The following IQGAP2 variants were observed in gnomAD, a reference collection of about 807,000 sequenced individuals.
The protein encoded by IQGAP2 is ras GTPase-activating-like protein IQGAP2.
IQGAP2 carries 173 observed loss-of-function variants against 201.3 expected under a neutral mutation model. The ratio of observed to expected loss-of-function variants is 0.86; its 90% CI spans 0.76 to 0.98. The LOEUF (loss-of-function observed/expected upper bound fraction) is 0.98, where lower values mean the gene tolerates loss of function less well. IQGAP2 is among the 50% of genes least tolerant of loss of function. The probability of loss-of-function intolerance (pLI) is 0.00; values close to 1 mark genes in which losing one functional copy is unlikely to be tolerated. For missense variants in IQGAP2, 1,687 were observed against 1,864.8 expected, an observed-to-expected ratio of 0.90 and a Z score of 1.76; for synonymous variants, 675 against 673.9, an observed-to-expected ratio of 1.00 and a Z score of -0.03.
chr5:76,698,543 G>T (rs776337980), intron 33 of IQGAP2, among the ~76,000 whole-genome samples: 1 of 152,034 alleles, frequency 6.6e-6, no homozygotes, highest in African/African-American at 2.4e-5. Context: ...TTTGCTAATT[G>T]CACAGAGCAG....
intron 13 of IQGAP2, chr5:76,616,182 A>C (rs1748947803): frequency 6.6e-6 from 1 of 152,320 alleles, no homozygotes; most frequent in Admixed American, 6.5e-5. Flanking sequence ...AAAATATACG[A>C]AAGTGCTTTG....
At chr5:76,456,346 A>G (rs1236128943) in intron 1 of IQGAP2, among the ~76,000 whole-genome samples, 2 of 152,164 alleles carry the variant, frequency 1.3e-5, no homozygotes, top group Non-Finnish European at 2.9e-5. Flanking sequence ...CTATTTTTCA[A>G]AAGAAAATTC....
intron 7 of IQGAP2, 39 bp from the exon 8 acceptor site, chr5:76,590,369 T>G: frequency 6.6e-7 from 1 of 1,519,276 alleles, no homozygotes; most frequent in Non-Finnish European, 8.9e-7. Flanking sequence ...TGTCTTTTGC[T>G]GATAAAAACC....
chr5:76,524,789 C>T (rs1415593587), intron 2 of IQGAP2, among the ~76,000 whole-genome samples: 3 of 152,098 alleles, frequency 2.0e-5, no homozygotes, highest in African/African-American at 4.8e-5. Flanking sequence ...CATCAATAGC[C>T]TTTGAAAGAT....
chr5:76,446,908 C>T (rs1753422547), intron 1 of IQGAP2, among the ~76,000 whole-genome samples: 1 of 151,904 alleles, frequency 6.6e-6, no homozygotes, highest in African/African-American at 2.4e-5. Context: ...CTGTGTTTTC[C>T]CTCTGGCCTG....
chr5:76,651,076 C>T (rs1752482505), intron 17 of IQGAP2, among the ~76,000 whole-genome samples: 1 of 152,110 alleles, frequency 6.6e-6, no homozygotes, highest in African/African-American at 2.4e-5. Flanking sequence ...CACACTTCAC[C>T]ATCTATGCTT....
Position 76,640,949 on chromosome 5 carries a change from T to C in IQGAP2, c.1940T>C (p.Val647Ala). 1 of 1,589,978 alleles carries C rather than the reference T, an allele frequency of 6.3e-7. No individual in the cohort carries two copies. Among genetic ancestry groups the C allele is most frequent in the Non-Finnish European group, 8.6e-7 (1 of 1,161,312 alleles). ...GKEIEDIIEE[V>A]TVGYIRENIW... ...TCTTGCCAGGACATTATTGAGGAAGTCACAGTAGGTTACATTCGTGAGAAT... is the reference window on the plus strand; with the variant it reads ...TCTTGCCAGGACATTATTGAGGAAGCCACAGTAGGTTACATTCGTGAGAAT... Residue 647 changes from valine to alanine, a missense_variant, in exon 17 of 36, where the codon GTC (valine) becomes GCC (alanine). By Grantham distance (64) the Val-to-Ala change is moderately conservative (BLOSUM62 0). Coordinates refer to ENST00000274364, the MANE Select transcript of IQGAP2 (RefSeq NM_006633.5).
At chr5:76,581,895 A>T (rs1045612464) in intron 5 of IQGAP2, among the ~76,000 whole-genome samples, 12 of 152,356 alleles carry the variant, frequency 7.9e-5, no homozygotes, top group African/African-American at 2.9e-4. Context: ...CATTGGAAAA[A>T]GTAAGAAAAC....
At chr5:76,434,406 A>G (rs1469442971) in intron 1 of IQGAP2, among the ~76,000 whole-genome samples, 1 of 152,116 alleles carries the variant, frequency 6.6e-6, no homozygotes, top group Non-Finnish European at 1.5e-5. Context: ...TTGCATACCC[A>G]TAGCTTAGCT....
chr5:76,579,261 C>T (rs929220696), intron 5 of IQGAP2, among the ~76,000 whole-genome samples: 2 of 152,024 alleles, frequency 1.3e-5, no homozygotes, highest in South Asian at 4.2e-4. Context: ...GATACCTACC[C>T]AGAATTGACA....
chr5:76,566,018 A>G (rs1007413669), intron 3 of IQGAP2, among the ~76,000 whole-genome samples: 1 of 152,224 alleles, frequency 6.6e-6, no homozygotes, highest in Non-Finnish European at 1.5e-5. Context: ...AAACATTAAT[A>G]TAACAAATTG....
intron 1 of IQGAP2, among the ~76,000 whole-genome samples, chr5:76,426,447 C>A (rs1489872178): frequency 6.6e-6 from 1 of 152,292 alleles, no homozygotes; most frequent in Middle Eastern, 3.4e-3. Context: ...GAAGGGAAAC[C>A]AAACAGTTGG....
intron 2 of IQGAP2, among the ~76,000 whole-genome samples, chr5:76,499,366 G>T (rs1757153830): frequency 2.0e-5 from 3 of 152,112 alleles, no homozygotes; most frequent in Admixed American, 1.3e-4. Context: ...CCTCTTAGCA[G>T]ATTTATTCTT....
intron 28 of IQGAP2, among the ~76,000 whole-genome samples, chr5:76,680,560 G>A (rs914882251): frequency 3.9e-5 from 6 of 151,956 alleles, no homozygotes; most frequent in South Asian, 2.1e-4. Context: ...GGTGGCTGAC[G>A]CTTGTAATCC....
At chr5:76,490,107 T>C (rs1461106612) in intron 2 of IQGAP2, among the ~76,000 whole-genome samples, 1 of 152,236 alleles carries the variant, frequency 6.6e-6, no homozygotes, top group African/African-American at 2.4e-5. Context: ...TTCATTGAAA[T>C]GTAAATTGCC....
chr5:76,432,436 A>G (rs1752427131), intron 1 of IQGAP2, among the ~76,000 whole-genome samples: 3 of 152,044 alleles, frequency 2.0e-5, no homozygotes, highest in Non-Finnish European at 4.4e-5. Context: ...AGGCTGGTCT[A>G]TTTCTGAGCT....
intron 13 of IQGAP2, chr5:76,624,410 T>C (rs908490106): frequency 2.0e-5 from 3 of 152,212 alleles, no homozygotes; most frequent in African/African-American, 7.2e-5. Context: ...AGGCTAGGGA[T>C]ATGCTAGGAA....
chr5:76,665,216 A>G (rs1333702415), intron 22 of IQGAP2, 41 bp downstream of exon 22: 1 of 1,558,096 alleles, frequency 6.4e-7, no homozygotes, highest in African/African-American at 1.4e-5. Flanking sequence ...TGGGAGTAAT[A>G]CTATGTTACA....
At chr5:76,587,591 AC>A (rs1746338123) in intron 5 of IQGAP2, among the ~76,000 whole-genome samples, 1 of 152,304 alleles carries the variant, frequency 6.6e-6, no homozygotes, top group Non-Finnish European at 1.5e-5. Flanking sequence ...AATTTTTTAA[AC>A]CATAAGCCAC....
Sources: gnomAD v4.1 joint callset for allele counts (sites outside exome capture counted in the v4.1 genomes callset) on GRCh38, gnomAD v4.1.1 for gene constraint, MANE v1.5 for transcripts, NCBI Gene and HGNC (gene_info 2026-07-23, HGNC 2026-07-21) for gene names.